EYS: variants seen among roughly 807,000 people sequenced by gnomAD.
EYS encodes the protein EGF-like photoreceptor maintenance factor, also known as protein eyes shut homolog.
Under a neutral mutation model 282.1 loss-of-function variants are expected in EYS, and 250 were observed. The observed-to-expected ratio is 0.89, with a 90% CI of 0.80 to 0.98. EYS has a LOEUF of 0.98. Among genes scored for constraint, EYS ranks in the 50% least tolerant of loss-of-function variants. The pLI, the probability that EYS is intolerant of heterozygous loss-of-function variation, is 0.00. For synonymous variants in EYS, 1,355 were observed against 1,282.9 expected (o/e 1.06, Z -1.20); for missense variants, 4,016 against 3,709.0 (o/e 1.08, Z -2.15).
chr6:65,015,013 C>T (rs1167055410), intron 13 of EYS, among the ~76,000 whole-genome samples: 1 of 151,756 alleles, frequency 6.6e-6, no homozygotes. Context: ...TGGATTGATG[C>T]AAGGAAGGGG....
chr6:65,576,626 A>T (rs1033354546), intron 2 of EYS, among the ~76,000 whole-genome samples: 3 of 151,906 alleles, frequency 2.0e-5, no homozygotes, highest in Admixed American at 2.0e-4. Flanking sequence ...TTTAGAAAAC[A>T]AGAAGTGAAA....
intron 35 of EYS, among the ~76,000 whole-genome samples, chr6:63,870,778 C>G (rs1426467466): frequency 6.6e-6 from 1 of 152,172 alleles, no homozygotes. Flanking sequence ...AGATTACTAA[C>G]TGGCAAGATG....
intron 40 of EYS, among the ~76,000 whole-genome samples, chr6:63,770,352 A>T (rs1255566334): frequency 6.6e-6 from 1 of 152,080 alleles, no homozygotes; most frequent in African/African-American, 2.4e-5. Context: ...CTGAGATAAG[A>T]ACAGAGAATG....
chr6:64,457,160 T>C (rs1775582397), intron 26 of EYS, among the ~76,000 whole-genome samples: 1 of 152,036 alleles, frequency 6.6e-6, no homozygotes, highest in African/African-American at 2.4e-5. Context: ...AATTTGTATG[T>C]ATTTGTTAAT....
chr6:65,686,131 C>G (rs1378483006), intron 1 of EYS, among the ~76,000 whole-genome samples: 3 of 152,004 alleles, frequency 2.0e-5, no homozygotes, highest in East Asian at 3.9e-4. Context: ...AGGTATAAAA[C>G]AAACAAACAG....
At position 63,789,165 on chromosome 6, in the gene EYS, A is replaced by C. The variant is rs1306301546; in HGVS notation, c.7471T>G (p.Tyr2491Asp). ...GLLNGSVVYS[Y>D]NLGSGIASIR... ...CTTGCTATGCCAGACCCCAGGTTAT[A>C]ACTATAAACCACACTGCCATTGAGC... Residue 2491 changes from tyrosine to aspartate, a missense_variant, in exon 38 of 43, where the codon TAT (tyrosine) becomes GAT (aspartate). By Grantham distance (160) the Tyr-to-Asp change is radical. Transcript: ENST00000503581. 6.4e-7 allele frequency: 1 copy of C among 1,551,708 alleles called. No individual in the cohort carries two copies. Among genetic ancestry groups the C allele is most frequent in the African/African-American group, 1.4e-5 (1 of 73,050 alleles).
chr6:64,747,977 T>C (rs1482349286), intron 22 of EYS, among the ~76,000 whole-genome samples: 1 of 152,218 alleles, frequency 6.6e-6, no homozygotes, highest in Non-Finnish European at 1.5e-5. Flanking sequence ...CTCTTTGATG[T>C]TTTTCACATA....
At chr6:64,425,726 G>A (rs747200038) in intron 28 of EYS, among the ~76,000 whole-genome samples, 1 of 148,914 alleles carries the variant, frequency 6.7e-6, no homozygotes, top group Non-Finnish European at 1.5e-5. Flanking sequence ...GAAAAAATAA[G>A]TAGATGTAAG....
At position 65,224,618 on chromosome 6, in the gene EYS, G is replaced by T. The variant is rs576430523; in HGVS notation, c.2023+71245C>A. 7.8e-4 allele frequency among the ~76,000 whole-genome samples: 118 copies of T among 152,104 alleles called. 2 individuals carry two copies. The highest frequency in any genetic ancestry group is 5.4e-3 in the South Asian group (26 of 4,822). On this transcript the variant is annotated intron_variant, in intron 12 of 42. Coordinates refer to ENST00000503581, the MANE Select transcript of EYS (RefSeq NM_001142800.2). ...ATAGAGAGAATCAACAAAACTAAAA[G>T]TTGGTTCTTTGAATTGACAAACCTT...
chr6:65,471,067 G>T (rs1376508754), intron 5 of EYS, among the ~76,000 whole-genome samples: 1 of 151,856 alleles, frequency 6.6e-6, no homozygotes, highest in East Asian at 1.9e-4. Flanking sequence ...AACCCAGGAG[G>T]CAGAGGTTGC....
chr6:64,986,654 T>G (rs1004719754), intron 14 of EYS, among the ~76,000 whole-genome samples: 1 of 151,378 alleles, frequency 6.6e-6, no homozygotes, highest in Admixed American at 6.6e-5. Flanking sequence ...TTAGAAACAA[T>G]TATAAGGGCC....
At chr6:65,562,218 A>G (rs989089648) in intron 2 of EYS, among the ~76,000 whole-genome samples, 2 of 152,036 alleles carry the variant, frequency 1.3e-5, no homozygotes, top group Admixed American at 6.6e-5. Flanking sequence ...AAAGCTTATC[A>G]GCAAATATCA....
chr6:63,984,701 G>A (rs1186876894), intron 34 of EYS, 98 bp from the exon 35 acceptor site: 2 of 958,620 alleles, frequency 2.1e-6, no homozygotes, highest in African/African-American at 3.3e-5. Flanking sequence ...GTGTTTTAAT[G>A]TGTTTTTCTG....
intron 26 of EYS, among the ~76,000 whole-genome samples, chr6:64,582,895 G>A (rs1318932821): frequency 2.6e-5 from 4 of 152,096 alleles, no homozygotes; most frequent in African/African-American, 9.7e-5. Flanking sequence ...GAAAATGCCA[G>A]GATTTTACTT....
chr6:65,362,579 A>G (rs1007104494), intron 8 of EYS, among the ~76,000 whole-genome samples: 1 of 151,790 alleles, frequency 6.6e-6, no homozygotes, highest in Admixed American at 6.6e-5. Context: ...TTATATATAT[A>G]CATATATGTA....
chr6:64,359,422 C>T (rs1418129757), intron 29 of EYS, among the ~76,000 whole-genome samples: 2 of 151,680 alleles, frequency 1.3e-5, no homozygotes, highest in African/African-American at 2.4e-5. Context: ...TAGATTTCTT[C>T]AGTTATGGAA....
chr6:63,846,277 A>C (rs1302232892), intron 36 of EYS, among the ~76,000 whole-genome samples: 1 of 152,108 alleles, frequency 6.6e-6, no homozygotes, highest in Non-Finnish European at 1.5e-5. Context: ...TTCCTCCGGG[A>C]AGCCCCCTTT....
intron 24 of EYS, among the ~76,000 whole-genome samples, chr6:64,612,516 A>G (rs1240173672): frequency 6.6e-6 from 1 of 152,080 alleles, no homozygotes; most frequent in Non-Finnish European, 1.5e-5. Context: ...TTTCAAAATG[A>G]TGTAAGTACT....
chr6:65,364,070 T>C (rs1420422641), intron 8 of EYS, among the ~76,000 whole-genome samples: 1 of 149,372 alleles, frequency 6.7e-6, no homozygotes, highest in African/African-American at 2.4e-5. Context: ...CTATATATTT[T>C]TAAATTTGTT....
Sources: gnomAD v4.1 joint callset for allele counts (sites outside exome capture counted in the v4.1 genomes callset) on GRCh38, gnomAD v4.1.1 for gene constraint, MANE v1.5 for transcripts, NCBI Gene and HGNC (gene_info 2026-07-23, HGNC 2026-07-21) for gene names.